Variants in FBXO4 observed in about 807,000 individuals in gnomAD.
FBXO4 encodes the protein F-box only protein 4.
FBXO4 carries 36 observed loss-of-function variants against 43.7 expected under a neutral mutation model. The observed-to-expected ratio is 0.82, with a 90% CI of 0.63 to 1.09. FBXO4 has a LOEUF of 1.09. Ranked by LOEUF, FBXO4 falls within the 50% of genes least tolerant of loss-of-function variation. The pLI is 0.00. For missense variants in FBXO4, 435 were observed against 474.1 expected (o/e 0.92, Z 0.77); for synonymous variants, 180 against 165.6 (o/e 1.09, Z -0.67).
chr5:41,925,825 A>T (rs1751475037), intron 1 of FBXO4, among the ~76,000 whole-genome samples: 1 of 152,154 alleles, frequency 6.6e-6, no homozygotes, highest in Non-Finnish European at 1.5e-5. Flanking sequence ...CGGTTACGGA[A>T]ATGAGACAGT....
At chr5:42,009,937 T>A in the FBXO4 span, among the ~76,000 whole-genome samples, 26 of 152,276 alleles carry the variant, frequency 1.7e-4, no homozygotes, top group African/African-American at 3.1e-4. Flanking sequence ...CAATTCCCTC[T>A]CCTTTCATTA....
the FBXO4 span, among the ~76,000 whole-genome samples, chr5:41,996,411 G>A: frequency 0.013 from 2,036 of 152,234 alleles, 53 homozygotes; most frequent in African/African-American, 0.047. Context: ...AGATGGCAGG[G>A]CCTTGCTTCA....
chr5:41,978,283 A>C, the FBXO4 span, among the ~76,000 whole-genome samples: 36 of 152,320 alleles, frequency 2.4e-4, no homozygotes, highest in African/African-American at 8.7e-4. Flanking sequence ...TGTGAAAAAA[A>C]CATCTTGCAC....
At chr5:41,989,934 G>A in the FBXO4 span, among the ~76,000 whole-genome samples, 5 of 152,150 alleles carry the variant, frequency 3.3e-5, no homozygotes, top group Non-Finnish European at 5.9e-5. Flanking sequence ...GGGAAATACG[G>A]CAGGGACCGA....
At chr5:41,930,087 A>G (rs192515595) in intron 3 of FBXO4, 170 bp downstream of exon 3, 23 of 558,386 alleles carry the variant, frequency 4.1e-5, no homozygotes, top group African/African-American at 3.2e-4. Flanking sequence ...TTTACTTACT[A>G]TAAGAAAGCT....
chr5:42,011,130 A>G, the FBXO4 span, among the ~76,000 whole-genome samples: 1 of 152,096 alleles, frequency 6.6e-6, no homozygotes, highest in African/African-American at 2.4e-5. Context: ...GGGCTAGAAT[A>G]ATGTCTTCAT....
At chr5:41,978,528 T>A in the FBXO4 span, among the ~76,000 whole-genome samples, 6 of 152,148 alleles carry the variant, frequency 3.9e-5, no homozygotes, top group Non-Finnish European at 7.4e-5. Flanking sequence ...TTTTTTAGGG[T>A]TCTTTCTAAA....
downstream of FBXO4, among the ~76,000 whole-genome samples, chr5:41,945,805 G>A (rs940034435): frequency 9.9e-5 from 15 of 152,104 alleles, no homozygotes; most frequent in African/African-American, 3.6e-4. Context: ...TGGTCTAACC[G>A]GTTGTCTAGC....
At chr5:41,971,335 T>C in the FBXO4 span, among the ~76,000 whole-genome samples, 7 of 151,862 alleles carry the variant, frequency 4.6e-5, no homozygotes, top group Admixed American at 1.3e-4. Flanking sequence ...AATTCAAAAA[T>C]TTCCTATAGT....
At chr5:42,004,793 CGGTGGTGAGGTAG>C in the FBXO4 span, among the ~76,000 whole-genome samples, 1 of 152,100 alleles carries the variant, frequency 6.6e-6, no homozygotes, top group Admixed American at 6.6e-5. Flanking sequence ...GTAGAATGGG[CGGTGGTGAGGTAG>C]GGTGGTGAGT....
the FBXO4 span, among the ~76,000 whole-genome samples, chr5:42,029,135 G>A: frequency 6.6e-6 from 1 of 151,864 alleles, no homozygotes; most frequent in Non-Finnish European, 1.5e-5. Flanking sequence ...GTCTGGTATT[G>A]ACGAAATCCC....
chr5:41,988,273 T>A, the FBXO4 span, among the ~76,000 whole-genome samples: 1 of 152,184 alleles, frequency 6.6e-6, no homozygotes, highest in Non-Finnish European at 1.5e-5. Flanking sequence ...GGTATTTTCC[T>A]TTCCCTAGGT....
At chr5:42,039,015 TA>T in the FBXO4 span, among the ~76,000 whole-genome samples, 1 of 152,170 alleles carries the variant, frequency 6.6e-6, no homozygotes. Context: ...TCCCTTGAAT[TA>T]AATGATTATC....
chr5:42,039,340 G>C, the FBXO4 span, among the ~76,000 whole-genome samples: 1 of 151,976 alleles, frequency 6.6e-6, no homozygotes, highest in Non-Finnish European at 1.5e-5. Context: ...AGAATATCTT[G>C]ACAATGTTCC....
the FBXO4 span, among the ~76,000 whole-genome samples, chr5:41,993,618 G>GATATATATATATATATATAT: frequency 8.4e-3 from 1,150 of 136,348 alleles, 6 homozygotes; most frequent in African/African-American, 0.015. Flanking sequence ...GAACTAATAG[G>GATATATATATATATATATAT]ATATATATAT....
the FBXO4 span, among the ~76,000 whole-genome samples, chr5:41,949,789 G>A: frequency 1.3e-5 from 2 of 152,144 alleles, no homozygotes; most frequent in African/African-American, 4.8e-5. Context: ...AAAGCTGGAA[G>A]CATCATGCTA....
chr5:41,959,469 G>T, the FBXO4 span, among the ~76,000 whole-genome samples: 4 of 151,992 alleles, frequency 2.6e-5, no homozygotes, highest in African/African-American at 9.7e-5. Flanking sequence ...CTAGATAAAT[G>T]CCATGGAGCT....
the FBXO4 span, among the ~76,000 whole-genome samples, chr5:42,037,434 T>C: frequency 6.6e-6 from 1 of 151,982 alleles, no homozygotes; most frequent in African/African-American, 2.4e-5. Flanking sequence ...TCCCTACAAA[T>C]TTTATAAAGT....
At chr5:41,928,368 T>G (rs1387335312) in intron 2 of FBXO4, 1 of 151,642 alleles carries the variant, frequency 6.6e-6, no homozygotes, top group East Asian at 1.9e-4. Flanking sequence ...GGAGTCTTGC[T>G]CTGTCGCCCA....
Sources: allele counts gnomAD v4.1 joint callset (sites outside exome capture counted in the v4.1 genomes callset), GRCh38; gene constraint gnomAD v4.1.1; transcripts MANE v1.5; gene names NCBI Gene and HGNC (gene_info 2026-07-23, HGNC 2026-07-21).